Variants in OSTN observed in about 807,000 individuals in gnomAD.
OSTN encodes osteocrin.
Under a neutral mutation model 12.0 loss-of-function variants are expected in OSTN, and 9 were observed. That is an observed-to-expected ratio of 0.75 (90% CI 0.45 to 1.30). OSTN has a LOEUF of 1.30. Ranked by LOEUF, OSTN falls within the 50% of genes most tolerant of loss-of-function variation. The pLI is 0.00. For synonymous variants in OSTN, 59 were observed against 56.9 expected (o/e 1.04, Z -0.16); for missense variants, 148 against 152.3 (o/e 0.97, Z 0.15).
intron 1 of OSTN, among the ~76,000 whole-genome samples, chr3:191,211,902 A>G (rs2108590588): frequency 6.6e-6 from 1 of 152,224 alleles, no homozygotes; most frequent in East Asian, 1.9e-4. Flanking sequence ...TATATTGTAC[A>G]TATCATGTAT....
At chr3:191,235,805 A>G (rs1407798252) in intron 3 of OSTN, among the ~76,000 whole-genome samples, 3 of 152,176 alleles carry the variant, frequency 2.0e-5, no homozygotes, top group African/African-American at 4.8e-5. Flanking sequence ...ATCTGCCCAC[A>G]GAAAACCCAC....
intron 4 of OSTN, among the ~76,000 whole-genome samples, chr3:191,252,369 A>G (rs1044127595): frequency 6.6e-6 from 1 of 152,138 alleles, no homozygotes; most frequent in African/African-American, 2.4e-5. Flanking sequence ...TCAGCCTTGA[A>G]TTTTTATATG....
At chr3:191,201,507 G>T (rs1468066153) in intron 1 of OSTN, among the ~76,000 whole-genome samples, 1 of 152,196 alleles carries the variant, frequency 6.6e-6, no homozygotes, top group Middle Eastern at 3.4e-3. Flanking sequence ...GTTCACTTTA[G>T]GTGGCACAAT....
chr3:191,225,012 A>G (rs1277298225), intron 3 of OSTN, among the ~76,000 whole-genome samples: 6 of 152,258 alleles, frequency 3.9e-5, no homozygotes, highest in South Asian at 2.1e-4. Context: ...GTAAGTTTAT[A>G]AAGCACAACA....
intron 1 of OSTN, among the ~76,000 whole-genome samples, chr3:191,202,780 C>G (rs1463717874): frequency 6.6e-6 from 1 of 152,214 alleles, no homozygotes; most frequent in Non-Finnish European, 1.5e-5. Context: ...ACTCTATTAG[C>G]TTTTCCCTAT....
intron 4 of OSTN, among the ~76,000 whole-genome samples, chr3:191,259,847 T>G (rs1001145967): frequency 4.2e-5 from 6 of 141,774 alleles, no homozygotes; most frequent in Non-Finnish European, 9.3e-5. Flanking sequence ...CTATTATGTA[T>G]CCTTCTTTTT....
chr3:191,258,590 A>C (rs182050531), intron 4 of OSTN, among the ~76,000 whole-genome samples: 112 of 151,970 alleles, frequency 7.4e-4, no homozygotes, highest in African/African-American at 2.6e-3. Flanking sequence ...GCAAATCACC[A>C]GGGCACATGT....
At chr3:191,208,449 C>T (rs1369514773) in intron 1 of OSTN, among the ~76,000 whole-genome samples, 1 of 152,198 alleles carries the variant, frequency 6.6e-6, no homozygotes, top group African/African-American at 2.4e-5. Context: ...CATTTAGGAA[C>T]TTGGCCTTTT....
intron 2 of OSTN, among the ~76,000 whole-genome samples, chr3:191,213,647 G>A (rs1714523612): frequency 6.6e-6 from 1 of 151,752 alleles, no homozygotes; most frequent in South Asian, 2.1e-4. Context: ...AAATGTGAGG[G>A]CATCACAAGG....
intron 1 of OSTN, among the ~76,000 whole-genome samples, chr3:191,204,079 G>A (rs759890378): frequency 3.3e-5 from 5 of 152,076 alleles, no homozygotes; most frequent in Non-Finnish European, 5.9e-5. Context: ...TAGTAGAAAC[G>A]GGGTTTCACC....
At chr3:191,262,729 A>G (rs1023491433) in intron 4 of OSTN, 137 bp from the exon 5 acceptor site, 38 of 536,290 alleles carry the variant, frequency 7.1e-5, no homozygotes, top group Non-Finnish European at 1.1e-4. Flanking sequence ...CAAAATAAAA[A>G]ATTGCCATGT....
intron 1 of OSTN, among the ~76,000 whole-genome samples, chr3:191,211,461 A>T (rs1714414556): frequency 6.6e-6 from 1 of 152,200 alleles, no homozygotes; most frequent in Admixed American, 6.5e-5. Flanking sequence ...GAGGCTATGA[A>T]CTTTCAGATA....
chr3:191,225,212 C>T (rs1283045007), intron 3 of OSTN, among the ~76,000 whole-genome samples: 3 of 152,024 alleles, frequency 2.0e-5, no homozygotes, highest in Admixed American at 1.3e-4. Flanking sequence ...AAATTCAGTA[C>T]CTTTAAAAAT....
chr3:191,234,223 G>C (rs1715131301), intron 3 of OSTN, among the ~76,000 whole-genome samples: 1 of 152,098 alleles, frequency 6.6e-6, no homozygotes, highest in African/African-American at 2.4e-5. Flanking sequence ...ACAAGAAATA[G>C]GTGTCACCTT....
chr3:191,237,783 T>C (rs1433043530), intron 3 of OSTN, among the ~76,000 whole-genome samples: 1 of 152,166 alleles, frequency 6.6e-6, no homozygotes, highest in Non-Finnish European at 1.5e-5. Flanking sequence ...CAATTATTAT[T>C]TTAGAGAGGC....
chr3:191,236,562 A>G (rs2108544614), intron 3 of OSTN, among the ~76,000 whole-genome samples: 1 of 152,140 alleles, frequency 6.6e-6, no homozygotes, highest in East Asian at 1.9e-4. Flanking sequence ...AAAAAAAACA[A>G]TCCTTGGGGA....
intron 1 of OSTN, among the ~76,000 whole-genome samples, chr3:191,199,910 T>G (rs975904764): frequency 4.6e-5 from 7 of 152,078 alleles, no homozygotes; most frequent in Non-Finnish European, 1.0e-4. Context: ...GAATTGAGAG[T>G]TAATCTGAAA....
chr3:191,250,202 A>G, intron 4 of OSTN, 69 bp downstream of exon 4: 2 of 1,188,574 alleles, frequency 1.7e-6, no homozygotes, highest in Non-Finnish European at 2.5e-6. Context: ...GGACTAATCA[A>G]TCCATTCTTG....
At chr3:191,228,629 A>C (rs1302302021) in intron 3 of OSTN, 1 of 152,230 alleles carries the variant, frequency 6.6e-6, no homozygotes, top group African/African-American at 2.4e-5. Flanking sequence ...ATCTGTTTAA[A>C]TCTATGACTG....
Sources: allele counts gnomAD v4.1 joint callset (sites outside exome capture counted in the v4.1 genomes callset), GRCh38; gene constraint gnomAD v4.1.1; transcripts MANE v1.5; gene names NCBI Gene and HGNC (gene_info 2026-07-23, HGNC 2026-07-21).